SYN3: variants seen among roughly 807,000 people sequenced by gnomAD.
SYN3 encodes the protein synapsin-3.
SYN3 carries 35 observed loss-of-function variants against 65.8 expected under a neutral mutation model. The observed-to-expected ratio is 0.53, with a 90% CI of 0.41 to 0.70. SYN3 has a LOEUF of 0.70. Among genes scored for constraint, SYN3 ranks in the 30% least tolerant of loss-of-function variants. The pLI is 0.00. For missense variants in SYN3, 680 were observed against 749.0 expected (o/e 0.91, Z 1.08); for synonymous variants, 270 against 292.9 (o/e 0.92, Z 0.80).
At chr22:32,604,538 G>A (rs117509257) in intron 6 of SYN3, among the ~76,000 whole-genome samples, 3,313 of 107,010 alleles carry the variant, frequency 0.031, 69 homozygotes, top group Admixed American at 0.042. Flanking sequence ...TCTCCGCTGA[G>A]ATACCCTCCC....
At chr22:33,006,245 G>A in intron 2 of SYN3, 107 bp downstream of exon 2, 2 of 1,309,908 alleles carry the variant, frequency 1.5e-6, no homozygotes, top group East Asian at 2.3e-5. Context: ...GGCTCTGATA[G>A]CACCCAAGCC....
chr22:32,623,399 T>C (rs1418915154), intron 6 of SYN3, among the ~76,000 whole-genome samples: 3 of 152,196 alleles, frequency 2.0e-5, no homozygotes, highest in Non-Finnish European at 2.9e-5. Context: ...TCTCATTATG[T>C]TGCTCAGGCT....
At chr22:32,529,640 C>T (rs1321026681) in intron 10 of SYN3, among the ~76,000 whole-genome samples, 2 of 152,140 alleles carry the variant, frequency 1.3e-5, no homozygotes, top group African/African-American at 4.8e-5. Context: ...GCAACTGAGG[C>T]CCAGAGATGG....
At chr22:32,945,774 AT>A (rs1455329385) in intron 3 of SYN3, among the ~76,000 whole-genome samples, 5 of 152,210 alleles carry the variant, frequency 3.3e-5, no homozygotes, top group Admixed American at 1.3e-4. Flanking sequence ...ATGGGAGAAA[AT>A]TTTTGCAATC....
intron 3 of SYN3, among the ~76,000 whole-genome samples, chr22:32,942,633 C>T (rs187371701): frequency 1.5e-4 from 23 of 152,108 alleles, no homozygotes; most frequent in East Asian, 9.7e-4. Flanking sequence ...AGGCTTCAGA[C>T]GATCAAACTT....
In SYN3 at chr22:32,840,241, C is replaced by T. The variant is rs141319243; in HGVS notation, c.711+24674G>A. The stretch of plus-strand genomic sequence containing the variant: ...GGCATTCATTTCTTGCCAAAAAAAC[C>T]TGCTTAAATAAAACCAAGATTAATA... On this transcript the variant is annotated intron_variant, in intron 6 of 13. Coordinates refer to ENST00000358763, the MANE Select transcript of SYN3 (RefSeq NM_003490.4). Among the ~76,000 whole-genome samples, 859 of 152,248 alleles carry T rather than the reference C, an allele frequency of 5.6e-3. 12 individuals are homozygous for T. Among genetic ancestry groups the T allele is most frequent in the African/African-American group, 0.02 (819 of 41,536 alleles).
chr22:32,819,352 G>C (rs1374556043), intron 6 of SYN3, among the ~76,000 whole-genome samples: 1 of 152,202 alleles, frequency 6.6e-6, no homozygotes, highest in Non-Finnish European at 1.5e-5. Flanking sequence ...GAGGTCCTGC[G>C]GTCTCCTTCT....
intron 3 of SYN3, among the ~76,000 whole-genome samples, chr22:32,967,487 G>A (rs766679827): frequency 2.0e-4 from 30 of 152,308 alleles, no homozygotes; most frequent in Middle Eastern, 3.4e-3. Flanking sequence ...CCTAAGTCCT[G>A]TTGATATGTC....
intron 3 of SYN3, among the ~76,000 whole-genome samples, chr22:32,965,758 G>A (rs2051816726): frequency 2.0e-5 from 3 of 152,018 alleles, no homozygotes; most frequent in South Asian, 2.1e-4. Flanking sequence ...TGAGTGGCAC[G>A]ATCTCGGCTC....
chr22:32,810,020 A>G lies in SYN3; in HGVS notation c.711+54895T>C, dbSNP rs149198204. 9.3e-4 allele frequency among the ~76,000 whole-genome samples: 142 copies of G among 152,266 alleles called. 1 individual carries two copies. Among genetic ancestry groups the G allele is most frequent in the African/African-American group, 2.4e-3 (101 of 41,550 alleles). Reference sequence around the variant, plus strand: ...CTGATGTGTCCTAGTTGAGGTCCCTATCCTTTCAGAGGAGGTGACATGGGT... The same window carrying G: ...CTGATGTGTCCTAGTTGAGGTCCCTGTCCTTTCAGAGGAGGTGACATGGGT... On this transcript the variant is annotated intron_variant, in intron 6 of 13. Transcript: ENST00000358763.
intron 6 of SYN3, chr22:32,860,489 TGTC>T (rs1471064004): frequency 1.3e-5 from 2 of 152,678 alleles, no homozygotes; most frequent in Admixed American, 6.5e-5. Context: ...TCTATTTTGT[TGTC>T]GTTGCTTGTT....
chr22:32,526,366 A>T (rs2057976355), intron 12 of SYN3, among the ~76,000 whole-genome samples: 1 of 152,292 alleles, frequency 6.6e-6, no homozygotes, highest in Admixed American at 6.5e-5. Context: ...GGGACATTTT[A>T]TCTAAGACCT....
chr22:32,994,589 T>G (rs1194754364), intron 2 of SYN3, among the ~76,000 whole-genome samples: 1 of 152,110 alleles, frequency 6.6e-6, no homozygotes, highest in Non-Finnish European at 1.5e-5. Flanking sequence ...AGGATTTTGT[T>G]CCTCAGAGCC....
intron 3 of SYN3, among the ~76,000 whole-genome samples, chr22:32,973,295 T>A (rs2052078505): frequency 6.6e-6 from 1 of 152,158 alleles, no homozygotes; most frequent in Non-Finnish European, 1.5e-5. Flanking sequence ...AAGAAACTAG[T>A]GATAATAGTT....
chr22:33,002,177 T>G (rs2053078067), intron 2 of SYN3, among the ~76,000 whole-genome samples: 1 of 152,256 alleles, frequency 6.6e-6, no homozygotes, highest in Middle Eastern at 3.4e-3. Flanking sequence ...TAAATACCCT[T>G]AAGCAAGCAG....
At chr22:32,618,169 C>A (rs1341826088) in intron 6 of SYN3, among the ~76,000 whole-genome samples, 2 of 152,074 alleles carry the variant, frequency 1.3e-5, no homozygotes, top group Non-Finnish European at 2.9e-5. Context: ...GATGATCGAA[C>A]GGACAGATCC....
chr22:32,956,527 A>G (rs991040120), intron 3 of SYN3, among the ~76,000 whole-genome samples: 3 of 152,364 alleles, frequency 2.0e-5, no homozygotes, highest in South Asian at 4.1e-4. Context: ...TACTGGAATC[A>G]TATAACATTT....
In SYN3 at chr22:32,555,068, C is replaced by T. The variant is rs1569033317; in HGVS notation, c.775-13355G>A. Reference sequence around the variant, plus strand: ...TATACCCCTAGCACCCAGCATAAGGCCTGGCACATAGTAGGTCCTCCATAA... The same window carrying T: ...TATACCCCTAGCACCCAGCATAAGGTCTGGCACATAGTAGGTCCTCCATAA... On this transcript the variant is annotated intron_variant, in intron 7 of 13. Transcript: ENST00000358763. Among the ~76,000 whole-genome samples, 4 of 152,292 alleles carry T rather than the reference C, an allele frequency of 2.6e-5. No individual in the cohort carries two copies. The South Asian group carries it at 8.3e-4, about 32-fold the overall frequency.
At chr22:32,688,149 T>C (rs2060616248) in intron 6 of SYN3, among the ~76,000 whole-genome samples, 1 of 152,194 alleles carries the variant, frequency 6.6e-6, no homozygotes, top group Admixed American at 6.5e-5. Flanking sequence ...TCTATATACA[T>C]GTATCAACTC....
Sources: gnomAD v4.1 joint callset for allele counts (sites outside exome capture counted in the v4.1 genomes callset) on GRCh38, gnomAD v4.1.1 for gene constraint, MANE v1.5 for transcripts, NCBI Gene and HGNC (gene_info 2026-07-23, HGNC 2026-07-21) for gene names.